The following ITPRID2 variants were observed in gnomAD, a reference collection of about 807,000 sequenced individuals.
ITPRID2 encodes protein ITPRID2.
Under a neutral mutation model 124.3 loss-of-function variants are expected in ITPRID2, and 60 were observed. That is an observed-to-expected ratio of 0.48 (90% CI 0.39 to 0.60). The LOEUF (loss-of-function observed/expected upper bound fraction) is 0.60, where lower values mean the gene tolerates loss of function less well. Ranked by LOEUF, ITPRID2 falls within the 20% of genes least tolerant of loss-of-function variation. The pLI is 0.00. For synonymous variants in ITPRID2, 521 were observed against 542.9 expected (o/e 0.96, Z 0.56); for missense variants, 1,553 against 1,512.2 (o/e 1.03, Z -0.45).
At chr2:181,914,605 G>A (rs1333372346) in intron 10 of ITPRID2, among the ~76,000 whole-genome samples, 1 of 152,202 alleles carries the variant, frequency 6.6e-6, no homozygotes, top group African/African-American at 2.4e-5. Flanking sequence ...CTTTCAGAAG[G>A]TATGGAAGAA....
chr2:181,900,720 T>C lies in ITPRID2; in HGVS notation c.528T>C (p.Tyr176=), dbSNP rs531657002. Residue 176 remains tyrosine (Y), a synonymous_variant, in exon 7 of 18, where the codon TAT becomes TAC. Transcript: ENST00000431877. ...VSSVSELLEL[Y]EEDPEEILYN... ...GTGTTTCAGAATTGTTGGAACTTTATGAGGAAGATCCTGAAGAAATTCTTT... is the reference window on the plus strand; with the variant it reads ...GTGTTTCAGAATTGTTGGAACTTTACGAGGAAGATCCTGAAGAAATTCTTT... The C allele has an allele frequency of 5.0e-6, 8 of 1,608,378 alleles. No individual in the cohort carries two copies. In the African/African-American group the frequency reaches 1.1e-4, roughly 22 times the overall value.
In ITPRID2 at chr2:181,892,018, C is replaced by T. The variant is rs775499050; in HGVS notation, c.-49C>T. ...CAAGGGCGGGGGTCCCTGCCGCCGC[C>T]TTGTCTCGCGCAGGGTCCGGCTGGG... On this transcript the variant is annotated 5_prime_UTR_variant, in exon 1 of 18. Coordinates refer to ENST00000431877, the MANE Select transcript of ITPRID2 (RefSeq NM_001130445.3). This position sits in a 1 kb window ranked among gnomAD's most constrained non-coding sequence, Gnocchi z 5.2. The T allele has an allele frequency of 6.5e-6, 10 of 1,534,960 alleles. No individual in the cohort carries two copies. The highest frequency in any genetic ancestry group is 5.0e-5 in the East Asian group (2 of 40,126).
At chr2:181,899,495 A>C (rs1284460096) in intron 6 of ITPRID2, among the ~76,000 whole-genome samples, 1 of 152,190 alleles carries the variant, frequency 6.6e-6, no homozygotes, top group African/African-American at 2.4e-5. Flanking sequence ...TTACAGCTTG[A>C]TATTTAAGCA....
At chr2:181,924,163 C>T (rs954454813) in intron 16 of ITPRID2, among the ~76,000 whole-genome samples, 47 of 152,132 alleles carry the variant, frequency 3.1e-4, no homozygotes, top group African/African-American at 1.1e-3. Context: ...AAAGGGCCTA[C>T]CCAGCAAAAT....
At position 181,922,404 on chromosome 2, in the gene ITPRID2, A is replaced by G. The variant is rs750764988; in HGVS notation, c.3667A>G (p.Ile1223Val). The change falls in exon 16 of 18, where the codon ATA (isoleucine) becomes GTA (valine). Residue 1223 changes from isoleucine (I) to valine (V), a missense_variant. By Grantham distance (29) the Ile-to-Val change is conservative. Coordinates refer to ENST00000431877, the MANE Select transcript of ITPRID2 (RefSeq NM_001130445.3). ...NVEQDELQQV[I>V]REIKESIVGE... ...GGAGCAAGATGAGTTGCAGCAAGTC[A>G]TACGGGAGGTGGGTAAAATCTGTGT... 5 of 1,607,014 alleles carry G rather than the reference A, an allele frequency of 3.1e-6. No individual in the cohort carries two copies. The highest frequency in any genetic ancestry group is 1.1e-5 in the South Asian group (1 of 90,324).
Position 181,892,714 on chromosome 2 carries a change from G to A in ITPRID2, c.257+54G>A. 2 of 1,607,974 alleles carry A rather than the reference G, an allele frequency of 1.2e-6. No individual in the cohort carries two copies. The highest frequency in any genetic ancestry group is 2.2e-5 in the East Asian group (1 of 44,790). The stretch of plus-strand genomic sequence containing the variant: ...CGGGGGAGATCCGTGCGGACGGGAC[G>A]CCGGAGCAGAGCCACTCGGGCCGCG... On this transcript the variant is annotated intron_variant, in intron 2 of 17. Transcript: ENST00000431877. The surrounding 1 kb of genome is among the most constrained non-coding windows in gnomAD (Gnocchi z 5.2).
intron 6 of ITPRID2, 69 bp downstream of exon 6, chr2:181,899,181 A>G (rs1013632125): frequency 5.2e-6 from 6 of 1,159,686 alleles, no homozygotes; most frequent in Middle Eastern, 4.1e-4. Flanking sequence ...CATTTTTTCA[A>G]TCTTGGATTT....
intron 16 of ITPRID2, among the ~76,000 whole-genome samples, chr2:181,926,401 C>A (rs1489152814): frequency 6.6e-6 from 1 of 151,960 alleles, no homozygotes; most frequent in Non-Finnish European, 1.5e-5. Context: ...GATTGGCACA[C>A]ATTCCTGGTT....
In ITPRID2 at chr2:181,910,217, C is replaced by G. The variant is rs1693490752; in HGVS notation, c.1486+246C>G. On this transcript the variant is annotated intron_variant, in intron 9 of 17. Coordinates refer to ENST00000431877, the MANE Select transcript of ITPRID2 (RefSeq NM_001130445.3). This position sits in a 1 kb window ranked among gnomAD's most constrained non-coding sequence, Gnocchi z 4.1. ...ACCTCATTACACAATTGTGTGTGCT[C>G]TAAGTATTTTACACTATTGCATAAG... 6.6e-6 allele frequency among the ~76,000 whole-genome samples: 1 copy of G among 152,060 alleles called. No individual in the cohort carries two copies. Among genetic ancestry groups the G allele is most frequent in the African/African-American group, 2.4e-5 (1 of 41,410 alleles).
At position 181,910,685 on chromosome 2, in the gene ITPRID2, TA is replaced by T; in HGVS notation, c.1486+717del. The T allele has an allele frequency of 4.6e-6, 3 of 648,210 alleles. No individual in the cohort carries two copies. Among genetic ancestry groups the T allele is most frequent in the Admixed American group, 2.8e-5 (1 of 35,832 alleles). 40.2% of individuals were successfully genotyped at this position (648,210 alleles called of 1,614,324 possible). On this transcript the variant is annotated intron_variant, in intron 9 of 17. Coordinates refer to ENST00000431877, the MANE Select transcript of ITPRID2 (RefSeq NM_001130445.3). The surrounding 1 kb of genome is among the most constrained non-coding windows in gnomAD (Gnocchi z 4.1). ...ATGCTGAACCACCCTGTTTTTTTTT[TA>T]AACAAAGATTCGTATGTATGTTCCT...
chr2:181,922,387 A>G lies in ITPRID2; in HGVS notation c.3650A>G (p.Asp1217Gly), dbSNP rs754453313. The part of the protein sequence containing the change: ...AEEMHKNVEQ[D>G]ELQQVIREIK... ...GAAATGCATAAAAATGTGGAGCAAG[A>G]TGAGTTGCAGCAAGTCATACGGGAG... Residue 1217 changes from aspartate (D) to glycine (G), a missense_variant, in exon 16 of 18, where the codon GAT (aspartate) becomes GGT (glycine). Transcript: ENST00000431877. 1 of 1,612,844 alleles carries G rather than the reference A, an allele frequency of 6.2e-7. No homozygotes were observed.
rs770345594 is a variant in ITPRID2, at chr2:181,915,210, T to C, written c.1576-6T>C. ...CTTCATCTTTCCACCTATTTTCTTT[T>C]CACAGGTTCAGGAGTCCTTGCAGGC... On this transcript the variant is annotated splice_region_variant and splice_polypyrimidine_tract_variant and intron_variant, in intron 10 of 17. Coordinates refer to ENST00000431877, the MANE Select transcript of ITPRID2 (RefSeq NM_001130445.3). The C allele has an allele frequency of 1.0e-4, 166 of 1,606,406 alleles. No individual in the cohort carries two copies. Among genetic ancestry groups the C allele is most frequent in the South Asian group, 9.0e-4 (81 of 90,478 alleles).
Position 181,915,833 on chromosome 2 carries a change from C to T in ITPRID2, c.2193C>T (p.Gly731=). The T allele has an allele frequency of 6.2e-7, 1 of 1,614,208 alleles. No homozygotes were observed. Among genetic ancestry groups the T allele is most frequent in the Non-Finnish European group, 8.5e-7 (1 of 1,180,038 alleles). The change falls in exon 11 of 18, where the codon GGC becomes GGT. Residue 731 remains glycine, a synonymous_variant. Coordinates refer to ENST00000431877, the MANE Select transcript of ITPRID2 (RefSeq NM_001130445.3). ...LKQRYLFAKA[G]YPLRRSQSLP... ...AAAGGTACTTATTTGCAAAAGCTGG[C>T]TATCCTCTAAGAAGGTCTCAGTCTT...
Position 181,922,204 on chromosome 2 carries a change from C to T in ITPRID2, c.3467C>T (p.Thr1156Met), listed in dbSNP as rs145518704. 37 of 1,614,144 alleles carry T rather than the reference C, an allele frequency of 2.3e-5. No individual in the cohort carries two copies. Among genetic ancestry groups the T allele is most frequent in the African/African-American group, 4.0e-5 (3 of 74,948 alleles). Residue 1156 changes from threonine to methionine, a missense_variant, in exon 16 of 18, where the codon ACG (threonine) becomes ATG (methionine). Thr to Met is a moderately conservative substitution (Grantham distance 81). Coordinates refer to ENST00000431877, the MANE Select transcript of ITPRID2 (RefSeq NM_001130445.3). Reference sequence around the variant, plus strand: ...GTGTTCCGAGCATCGGTGGCTCTAACGCCAACAGCTCCTTCTAGAACAGGC... The same window carrying T: ...GTGTTCCGAGCATCGGTGGCTCTAATGCCAACAGCTCCTTCTAGAACAGGC... ...KKVFRASVAL[T>M]PTAPSRTGSV...
chr2:181,906,407 C>T lies in ITPRID2; in HGVS notation c.1414-3492C>T, dbSNP rs377328983. On this transcript the variant is annotated intron_variant, in intron 8 of 17. Transcript: ENST00000431877. ...CAGTTACATTTGATCACCCCAAGGA[C>T]CTATGAGGTAGAAATTTTAATTTTA... Among the ~76,000 whole-genome samples, 24 of 152,188 alleles carry T rather than the reference C, an allele frequency of 1.6e-4. No homozygotes were observed. The East Asian group carries it at 3.9e-3, about 24-fold the overall frequency.
chr2:181,904,016 C>T (rs1467960563), intron 8 of ITPRID2, among the ~76,000 whole-genome samples: 2 of 152,022 alleles, frequency 1.3e-5, no homozygotes, highest in East Asian at 3.8e-4. Context: ...TTGGCGACTC[C>T]GAGTGAACAA....
chr2:181,929,716 C>T lies in ITPRID2; in HGVS notation c.*169C>T, dbSNP rs778491958. On this transcript the variant is annotated 3_prime_UTR_variant, in exon 18 of 18. Coordinates refer to ENST00000431877, the MANE Select transcript of ITPRID2 (RefSeq NM_001130445.3). ...TCTTCAACCATATATTTTAAAAAGA[C>T]GTACATAGAAACTTAGGCACTTTGC... The T allele has an allele frequency of 5.0e-5, 62 of 1,232,864 alleles. No individual in the cohort carries two copies. The highest frequency in any genetic ancestry group is 2.0e-4 in the East Asian group (8 of 39,718). The allele number at this position is 1,232,864 out of a possible 1,614,324, so 76.4% of individuals were successfully genotyped here. A position where few individuals can be genotyped will look rare whatever the true frequency, so the allele number is the denominator to read the frequency against.
At chr2:181,911,682 G>T in intron 9 of ITPRID2, among the ~76,000 whole-genome samples, 1 of 152,056 alleles carries the variant, frequency 6.6e-6, no homozygotes. Context: ...TTTCTGTTGA[G>T]AACTGTGTTT....
intron 16 of ITPRID2, among the ~76,000 whole-genome samples, chr2:181,923,520 T>C (rs1484315256): frequency 2.0e-5 from 3 of 152,226 alleles, no homozygotes; most frequent in Admixed American, 2.0e-4. Flanking sequence ...GCCTAATGTT[T>C]AGCAAACTCA....
Sources: allele counts gnomAD v4.1 joint callset (sites outside exome capture counted in the v4.1 genomes callset), GRCh38; gene constraint gnomAD v4.1.1; non-coding constraint Gnocchi (gnomAD v3.1); transcripts MANE v1.5; gene names NCBI Gene and HGNC (gene_info 2026-07-23, HGNC 2026-07-21).